NKAIN2: variants seen among roughly 807,000 people sequenced by gnomAD.
The protein encoded by NKAIN2 is sodium/potassium transporting ATPase interacting 2, also known as sodium/potassium-transporting ATPase subunit beta-1-interacting protein 2.
NKAIN2 carries 14 observed loss-of-function variants against 32.6 expected under a neutral mutation model. The observed-to-expected ratio is 0.43, with a 90% CI of 0.28 to 0.67. The LOEUF (loss-of-function observed/expected upper bound fraction) is 0.67, where lower values mean the gene tolerates loss of function less well. Among genes scored for constraint, NKAIN2 ranks in the 30% least tolerant of loss-of-function variants. NKAIN2 has a pLI of 0.17. For synonymous variants in NKAIN2, 80 were observed against 87.2 expected, an observed-to-expected ratio of 0.92 and a Z score of 0.46; for missense variants, 198 against 258.3, an observed-to-expected ratio of 0.77 and a Z score of 1.60.
At chr6:123,952,188 A>T (rs928243735) in intron 1 of NKAIN2, among the ~76,000 whole-genome samples, 2 of 152,048 alleles carry the variant, frequency 1.3e-5, no homozygotes, top group Non-Finnish European at 2.9e-5. Flanking sequence ...TTTGTTAAAA[A>T]ATTTTTCTTT....
At chr6:124,772,023 A>C (rs1408012869) in intron 4 of NKAIN2, among the ~76,000 whole-genome samples, 1 of 152,216 alleles carries the variant, frequency 6.6e-6, no homozygotes, top group African/African-American at 2.4e-5. Flanking sequence ...AATTTTGAAA[A>C]TGCCACATAT....
intron 1 of NKAIN2, among the ~76,000 whole-genome samples, chr6:124,251,817 T>A (rs1397244784): frequency 6.6e-6 from 1 of 152,070 alleles, no homozygotes; most frequent in Admixed American, 6.6e-5. Context: ...TGATATTACC[T>A]AATAAATATT....
chr6:124,258,199 A>C (rs1259702406), intron 1 of NKAIN2, among the ~76,000 whole-genome samples: 1 of 152,110 alleles, frequency 6.6e-6, no homozygotes, highest in Non-Finnish European at 1.5e-5. Context: ...AGATTCACAC[A>C]GTTGCTGAGT....
intron 1 of NKAIN2, among the ~76,000 whole-genome samples, chr6:123,898,868 G>A (rs942295979): frequency 2.0e-5 from 3 of 152,174 alleles, no homozygotes; most frequent in Non-Finnish European, 4.4e-5. Context: ...GCTTCCTCCT[G>A]AGTCATAGGG....
intron 3 of NKAIN2, among the ~76,000 whole-genome samples, chr6:124,389,628 AT>A (rs951062842): frequency 6.6e-6 from 1 of 150,452 alleles, no homozygotes; most frequent in Admixed American, 6.7e-5. Context: ...ATATGAAATG[AT>A]TTTTTTTCCC....
chr6:124,261,553 A>AT (rs1794247489), intron 1 of NKAIN2, among the ~76,000 whole-genome samples: 1 of 152,138 alleles, frequency 6.6e-6, no homozygotes, highest in South Asian at 2.1e-4. Flanking sequence ...TACCACATTA[A>AT]TAGTTGAGGT....
At chr6:124,683,293 A>ATAAG (rs1773708174) in intron 4 of NKAIN2, among the ~76,000 whole-genome samples, 1 of 152,180 alleles carries the variant, frequency 6.6e-6, no homozygotes, top group African/African-American at 2.4e-5. Flanking sequence ...GGGCAACAAG[A>ATAAG]TAAGTCTATG....
At chr6:124,486,303 A>C (rs1777646837) in intron 3 of NKAIN2, among the ~76,000 whole-genome samples, 1 of 152,200 alleles carries the variant, frequency 6.6e-6, no homozygotes, top group South Asian at 2.1e-4. Context: ...ATATTAAACT[A>C]GGATTGTTTA....
intron 1 of NKAIN2, among the ~76,000 whole-genome samples, chr6:123,950,121 G>A (rs558654876): frequency 2.6e-5 from 4 of 152,118 alleles, no homozygotes; most frequent in African/African-American, 9.6e-5. Flanking sequence ...AACCATCCTT[G>A]CATCACTGGG....
intron 4 of NKAIN2, among the ~76,000 whole-genome samples, chr6:124,747,597 A>G (rs1284863987): frequency 2.0e-5 from 3 of 151,850 alleles, no homozygotes; most frequent in Non-Finnish European, 4.4e-5. Context: ...GAGGGTGAAG[A>G]AGAAAACTTG....
intron 1 of NKAIN2, among the ~76,000 whole-genome samples, chr6:124,117,953 A>G (rs181808679): frequency 6.4e-4 from 96 of 150,720 alleles, no homozygotes; most frequent in Middle Eastern, 3.5e-3. Context: ...GAGGTTTGCT[A>G]ACTAAACTAA....
intron 4 of NKAIN2, among the ~76,000 whole-genome samples, chr6:124,751,958 G>C (rs1777743755): frequency 6.6e-6 from 1 of 151,900 alleles, no homozygotes; most frequent in African/African-American, 2.4e-5. Flanking sequence ...CTCTAGCCTG[G>C]GTGACAGAGC....
chr6:124,512,418 G>A (rs1451557361), intron 3 of NKAIN2, among the ~76,000 whole-genome samples: 1 of 152,074 alleles, frequency 6.6e-6, no homozygotes, highest in East Asian at 1.9e-4. Context: ...AAAGGAGGAA[G>A]GAAAAAGACC....
chr6:124,031,635 A>C (rs189940117), intron 1 of NKAIN2, among the ~76,000 whole-genome samples: 7 of 152,290 alleles, frequency 4.6e-5, no homozygotes, highest in African/African-American at 1.7e-4. Context: ...GTTTCAAAGA[A>C]CATCTTTATT....
chr6:123,898,260 A>T (rs537073201), intron 1 of NKAIN2, among the ~76,000 whole-genome samples: 1 of 152,236 alleles, frequency 6.6e-6, no homozygotes, highest in Admixed American at 6.5e-5. Context: ...CTTTTTCCAC[A>T]TGAGCTGCCA....
At chr6:124,144,321 A>T (rs1246399963) in intron 1 of NKAIN2, among the ~76,000 whole-genome samples, 1 of 152,186 alleles carries the variant, frequency 6.6e-6, no homozygotes, top group Non-Finnish European at 1.5e-5. Context: ...TCAGAGACCA[A>T]ATCCAGACCC....
intron 4 of NKAIN2, among the ~76,000 whole-genome samples, chr6:124,772,143 G>A (rs1482370318): frequency 1.3e-5 from 2 of 152,182 alleles, no homozygotes; most frequent in Non-Finnish European, 2.9e-5. Context: ...GAAGCATTGT[G>A]AAAAATGAAT....
intron 3 of NKAIN2, among the ~76,000 whole-genome samples, chr6:124,414,724 T>G (rs975675632): frequency 1.3e-5 from 2 of 152,206 alleles, no homozygotes; most frequent in Non-Finnish European, 2.9e-5. Flanking sequence ...AACTGAGTTT[T>G]GATAGTTTGT....
intron 4 of NKAIN2, among the ~76,000 whole-genome samples, chr6:124,753,562 A>G (rs568485028): frequency 2.1e-4 from 32 of 152,274 alleles, no homozygotes; most frequent in African/African-American, 7.7e-4. Flanking sequence ...GGCATGAAGC[A>G]TATGAGGATT....
Sources: allele counts gnomAD v4.1 joint callset (sites outside exome capture counted in the v4.1 genomes callset), GRCh38; gene constraint gnomAD v4.1.1; transcripts MANE v1.5; gene names NCBI Gene and HGNC (gene_info 2026-07-23, HGNC 2026-07-21).